The following SND1 variants were observed in gnomAD, a reference collection of about 807,000 sequenced individuals.
SND1 encodes the protein staphylococcal nuclease and tudor domain containing 1.
Under a neutral mutation model 121.7 loss-of-function variants are expected in SND1, and 38 were observed. The observed-to-expected ratio is 0.31, with a 90% CI of 0.24 to 0.41. The LOEUF (loss-of-function observed/expected upper bound fraction) is 0.41. Ranked by LOEUF, SND1 falls within the 10% of genes least tolerant of loss-of-function variation. The probability of loss-of-function intolerance (pLI) is 1.00; values close to 1 mark genes in which losing one functional copy is unlikely to be tolerated. For synonymous variants in SND1, 401 were observed against 447.4 expected (o/e 0.90, Z 1.31); for missense variants, 868 against 1,184.6 (o/e 0.73, Z 3.92).
chr7:127,901,617 C>T (rs543411949), intron 13 of SND1, among the ~76,000 whole-genome samples: 1 of 152,250 alleles, frequency 6.6e-6, no homozygotes, highest in East Asian at 1.9e-4. Context: ...GGCTAGAGTG[C>T]TTCCTGGGTG....
At chr7:127,983,342 T>A (rs1802309941) in intron 15 of SND1, among the ~76,000 whole-genome samples, 1 of 152,198 alleles carries the variant, frequency 6.6e-6, no homozygotes, top group Admixed American at 6.5e-5. Context: ...TTCTGTGTCT[T>A]GTCCTTGACA....
chr7:127,732,224 G>A (rs906515611), intron 10 of SND1, among the ~76,000 whole-genome samples: 9 of 152,224 alleles, frequency 5.9e-5, no homozygotes, highest in African/African-American at 1.9e-4. Flanking sequence ...AAGAGTATAG[G>A]TATGTGCTCC....
rs376257301 is a variant in SND1, at chr7:127,888,070, C to T, written c.1454+58C>T. 12 of 1,159,126 alleles carry T rather than the reference C, an allele frequency of 1.0e-5. 1 individual carries two copies. Among genetic ancestry groups the T allele is most frequent in the African/African-American group, 7.6e-5 (5 of 65,906 alleles). The allele number at this position is 1,159,126 out of a possible 1,614,324, so 71.8% of individuals were successfully genotyped here. On this transcript the variant is annotated intron_variant, in intron 13 of 23. Coordinates refer to ENST00000354725, the MANE Select transcript of SND1 (RefSeq NM_014390.4). ...CCCACACCCTCACTTTTTTCTTTCC[C>T]AGTTTTGTGCCTATACCTGAGCAGA...
intron 10 of SND1, among the ~76,000 whole-genome samples, chr7:127,750,015 A>G (rs996724488): frequency 7.2e-5 from 11 of 152,182 alleles, no homozygotes; most frequent in African/African-American, 2.7e-4. Flanking sequence ...TGGGAGGGTC[A>G]TTTGAGCCCA....
chr7:128,002,817 A>G (rs528618375), intron 16 of SND1, among the ~76,000 whole-genome samples: 2 of 152,286 alleles, frequency 1.3e-5, no homozygotes, highest in African/African-American at 2.4e-5. Flanking sequence ...ATACTTTCCT[A>G]CCATGACCAC....
chr7:127,854,286 G>A (rs1020415104), intron 12 of SND1, among the ~76,000 whole-genome samples: 7 of 152,058 alleles, frequency 4.6e-5, no homozygotes, highest in East Asian at 3.9e-4. Context: ...CCACCACCAC[G>A]CCTGGCTGAT....
intron 3 of SND1, among the ~76,000 whole-genome samples, chr7:127,697,292 G>A (rs1019405674): frequency 1.3e-5 from 2 of 152,096 alleles, no homozygotes; most frequent in Non-Finnish European, 2.9e-5. Context: ...CGTTGCCTCC[G>A]TTGAGGGTTC....
At chr7:127,718,581 A>T in intron 9 of SND1, 1 of 985,356 alleles carries the variant, frequency 1.0e-6, no homozygotes, top group Non-Finnish European at 1.2e-6. Context: ...CCTGAAGAGG[A>T]GGTTTCTAAT....
chr7:127,794,994 G>A (rs1797989415), intron 10 of SND1, among the ~76,000 whole-genome samples: 1 of 152,142 alleles, frequency 6.6e-6, no homozygotes, highest in Admixed American at 6.5e-5. Flanking sequence ...TGTCTTTGAA[G>A]GCTTCTTTCT....
intron 16 of SND1, among the ~76,000 whole-genome samples, chr7:128,072,683 C>T (rs563997615): frequency 6.6e-6 from 1 of 152,146 alleles, no homozygotes; most frequent in Non-Finnish European, 1.5e-5. Flanking sequence ...CCGCCACCTC[C>T]CCCAGCCCCT....
intron 16 of SND1, chr7:127,999,932 G>A (rs1802779962): frequency 6.6e-6 from 1 of 151,774 alleles, no homozygotes. Context: ...GGACTCCCCT[G>A]AGAGGTAGGG....
intron 14 of SND1, among the ~76,000 whole-genome samples, chr7:127,920,163 A>G (rs1291359274): frequency 6.6e-6 from 1 of 152,242 alleles, no homozygotes; most frequent in Non-Finnish European, 1.5e-5. Flanking sequence ...AGAGTAGGAT[A>G]GTTTTTCTCC....
chr7:127,857,749 T>C, intron 12 of SND1: 2 of 622,486 alleles, frequency 3.2e-6, no homozygotes, highest in South Asian at 3.9e-5. Flanking sequence ...GGAAATTGAC[T>C]GAAAAATGGC....
At chr7:128,043,327 A>G (rs1792887837) in intron 16 of SND1, among the ~76,000 whole-genome samples, 1 of 152,172 alleles carries the variant, frequency 6.6e-6, no homozygotes, top group Admixed American at 6.5e-5. Context: ...AATAATATAC[A>G]TGTAATAAGG....
At chr7:127,723,850 CTT>C (rs1420925693) in intron 10 of SND1, among the ~76,000 whole-genome samples, 4 of 152,160 alleles carry the variant, frequency 2.6e-5, no homozygotes, top group African/African-American at 7.2e-5. Context: ...TTAAATTTGA[CTT>C]ATATCCAAAT....
intron 11 of SND1, among the ~76,000 whole-genome samples, chr7:127,817,873 C>G (rs1365850311): frequency 6.6e-6 from 1 of 151,946 alleles, no homozygotes; most frequent in African/African-American, 2.4e-5. Flanking sequence ...CCTTCCTCCC[C>G]ACCCCTATAG....
At chr7:127,830,872 C>A (rs759211047) in intron 11 of SND1, among the ~76,000 whole-genome samples, 8 of 152,126 alleles carry the variant, frequency 5.3e-5, no homozygotes, top group Non-Finnish European at 7.4e-5. Context: ...TTTTGAGACT[C>A]TCTGGGATAT....
At chr7:127,688,713 C>T (rs974190371) in intron 2 of SND1, among the ~76,000 whole-genome samples, 8 of 151,120 alleles carry the variant, frequency 5.3e-5, no homozygotes, top group African/African-American at 1.9e-4. Context: ...CAGTGTAAGA[C>T]CCTGTCTAAA....
chr7:128,045,303 T>A (rs1584759481), intron 16 of SND1, among the ~76,000 whole-genome samples: 1 of 152,080 alleles, frequency 6.6e-6, no homozygotes, highest in Non-Finnish European at 1.5e-5. Flanking sequence ...CAGAATAGAG[T>A]TCTAAGCCAT....
Sources: allele counts gnomAD v4.1 joint callset (sites outside exome capture counted in the v4.1 genomes callset), GRCh38; gene constraint gnomAD v4.1.1; transcripts MANE v1.5; gene names NCBI Gene and HGNC (gene_info 2026-07-23, HGNC 2026-07-21).